The following MRM1 variants were observed in gnomAD, a reference collection of about 807,000 sequenced individuals.
MRM1 encodes mitochondrial rRNA methyltransferase 1.
In MRM1, 24 loss-of-function variants were observed where a neutral mutation model predicts 25.0. The ratio of observed to expected loss-of-function variants is 0.96; its 90% CI spans 0.69 to 1.35. MRM1 has a LOEUF of 1.35. Ranked by LOEUF, MRM1 falls within the 40% of genes most tolerant of loss-of-function variation. The pLI is 0.00. For synonymous variants in MRM1, 188 were observed against 199.2 expected (o/e 0.94, Z 0.47); for missense variants, 431 against 464.1 (o/e 0.93, Z 0.65).
At chr17:36,612,627 T>G (rs916972782), downstream of MRM1, among the ~76,000 whole-genome samples, 2 of 152,140 alleles carry the variant, frequency 1.3e-5, no homozygotes, top group African/African-American at 4.8e-5. Flanking sequence ...CAGTGGTGGT[T>G]AAGAGCAGGA....
In MRM1 at chr17:36,608,540, G is replaced by GA. The variant is rs1451313332; in HGVS notation, c.*125_*126insA. ...GGCCCATGTTTATTGACCACAGTCT[G>GA]GGGGGGGGGGAAGGGGACTGCGGTG... On this transcript the variant is annotated 3_prime_UTR_variant, in exon 5 of 5. Transcript: ENST00000614766. 1,490 of 292,016 alleles carry GA rather than the reference G, an allele frequency of 5.1e-3. 7 individuals are homozygous for GA. The highest frequency in any genetic ancestry group is 0.018 in the South Asian group (185 of 10,366). 18.1% of individuals were successfully genotyped at this position (292,016 alleles called of 1,614,324 possible).
the MRM1 span, among the ~76,000 whole-genome samples, chr17:36,622,197 C>T: frequency 3.3e-5 from 5 of 152,166 alleles, no homozygotes; most frequent in African/African-American, 1.2e-4. Context: ...CTGCTGCCTC[C>T]TGCCCCCTCC....
downstream of MRM1, among the ~76,000 whole-genome samples, chr17:36,610,561 T>C (rs1004468204): frequency 4.6e-5 from 7 of 151,320 alleles, no homozygotes; most frequent in Non-Finnish European, 8.8e-5. Flanking sequence ...AAGTTACTCC[T>C]CTCAAGAAAG....
chr17:36,604,592 G>A (rs541463414), intron 2 of MRM1, among the ~76,000 whole-genome samples: 1 of 151,498 alleles, frequency 6.6e-6, no homozygotes, highest in East Asian at 2.0e-4. Context: ...AGATCATGAG[G>A]TCAGGAGATC....
the MRM1 span, among the ~76,000 whole-genome samples, chr17:36,617,787 C>T: frequency 6.6e-6 from 1 of 152,158 alleles, no homozygotes; most frequent in Non-Finnish European, 1.5e-5. Flanking sequence ...GGCTTCTCCT[C>T]CCCCTTCACC....
At chr17:36,622,230 C>T in the MRM1 span, among the ~76,000 whole-genome samples, 1 of 152,068 alleles carries the variant, frequency 6.6e-6, no homozygotes, top group South Asian at 2.1e-4. Flanking sequence ...AATGGGACAC[C>T]CTGCTGATTT....
the MRM1 span, among the ~76,000 whole-genome samples, chr17:36,616,019 G>A: frequency 4.0e-5 from 6 of 149,964 alleles, no homozygotes; most frequent in East Asian, 1.9e-4. Flanking sequence ...CAACAACAAC[G>A]ACAACAAAAC....
Position 36,602,471 on chromosome 17 carries a change from C to CT in MRM1, c.543-81dup. 6.2e-7 allele frequency: 1 copy of CT among 1,603,286 alleles called. No homozygotes were observed. The highest frequency in any genetic ancestry group is 2.2e-5 in the East Asian group (1 of 44,786). On this transcript the variant is annotated intron_variant, in intron 1 of 4. Coordinates refer to ENST00000614766, the MANE Select transcript of MRM1 (RefSeq NM_024864.5). The surrounding 1 kb of genome is among the most constrained non-coding windows in gnomAD (Gnocchi z 4.1). ...TACCTGTCCCAGAACTCTCATCCCC[C>CT]TAGCCCTTGGGAGCCCTGGGAGGGT...
At chr17:36,613,006 G>T (rs1297361119), downstream of MRM1, among the ~76,000 whole-genome samples, 1 of 152,146 alleles carries the variant, frequency 6.6e-6, no homozygotes, top group Non-Finnish European at 1.5e-5. Context: ...TGAGGGAGGA[G>T]AGGGGTTGGA....
the MRM1 span, among the ~76,000 whole-genome samples, chr17:36,619,950 A>T: frequency 6.6e-6 from 1 of 152,014 alleles, no homozygotes; most frequent in Non-Finnish European, 1.5e-5. Flanking sequence ...GTCATTTGTG[A>T]TGTCGGGCAT....
chr17:36,604,039 G>T (rs999139098), intron 2 of MRM1, among the ~76,000 whole-genome samples: 1 of 152,174 alleles, frequency 6.6e-6, no homozygotes, highest in East Asian at 1.9e-4. Context: ...AGTGTCATCC[G>T]CCTGTTGCTG....
chr17:36,633,172 T>G, the MRM1 span, among the ~76,000 whole-genome samples: 1 of 152,282 alleles, frequency 6.6e-6, no homozygotes, highest in East Asian at 1.9e-4. Context: ...CTGAGGGGAA[T>G]GTCCCCAGAG....
chr17:36,634,280 A>G, the MRM1 span: 1 of 152,226 alleles, frequency 6.6e-6, no homozygotes, highest in South Asian at 2.1e-4. Context: ...TTTTGTTACC[A>G]GGTGTCTGAA....
At chr17:36,613,008 G>A (rs183170367), downstream of MRM1, among the ~76,000 whole-genome samples, 2 of 152,244 alleles carry the variant, frequency 1.3e-5, no homozygotes, top group East Asian at 3.9e-4. Flanking sequence ...AGGGAGGAGA[G>A]GGGTTGGAAT....
Position 36,607,716 on chromosome 17 carries a change from C to G in MRM1, c.683C>G (p.Pro228Arg). The G allele has an allele frequency of 6.2e-7, 1 of 1,614,202 alleles. No homozygotes were observed. Among genetic ancestry groups the G allele is most frequent in the Non-Finnish European group, 8.5e-7 (1 of 1,180,022 alleles). ...GWLVAGTVGC[P>R]STEDPQSSEI... Reference sequence around the variant, plus strand: ...CTCGTGGCCGGCACGGTGGGCTGCCCAAGCACAGAGGATCCCCAGTCCTCC... The same window carrying G: ...CTCGTGGCCGGCACGGTGGGCTGCCGAAGCACAGAGGATCCCCAGTCCTCC... The change falls in exon 3 of 5, where the codon CCA (proline) becomes CGA (arginine). Residue 228 changes from proline (P) to arginine (R), a missense_variant. Physicochemically the swap from Pro to Arg is moderately radical, Grantham distance 103. Transcript: ENST00000614766.
chr17:36,607,945 G>T lies in MRM1; in HGVS notation c.816G>T (p.Gln272His), dbSNP rs1490434655. Residue 272 changes from glutamine (Q) to histidine (H), a missense_variant, in exon 4 of 5, where the codon CAG (glutamine) becomes CAT (histidine). Physicochemically the swap from Gln to His is conservative, Grantham distance 24. Coordinates refer to ENST00000614766, the MANE Select transcript of MRM1 (RefSeq NM_024864.5). ...GLSQEVQASC[Q>H]LLLTILPRRQ... is the part of the protein sequence containing the mutation. ...CCCAGGAGGTGCAGGCCTCCTGCCA[G>T]CTTCTCCTCACCATCCTGCCCCGGC... 6.2e-7 allele frequency: 1 copy of T among 1,614,184 alleles called. No individual in the cohort carries two copies. Among genetic ancestry groups the T allele is most frequent in the Non-Finnish European group, 8.5e-7 (1 of 1,180,044 alleles).
At chr17:36,626,390 G>A in the MRM1 span, among the ~76,000 whole-genome samples, 1 of 152,104 alleles carries the variant, frequency 6.6e-6, no homozygotes, top group Non-Finnish European at 1.5e-5. Flanking sequence ...TTGAGATGGA[G>A]TCTACCTCTG....
the MRM1 span, among the ~76,000 whole-genome samples, chr17:36,615,004 C>T: frequency 6.6e-6 from 1 of 152,162 alleles, no homozygotes; most frequent in East Asian, 1.9e-4. Flanking sequence ...GCTCCTTCCC[C>T]AGATTGGGAA....
intron 4 of MRM1, 61 bp downstream of exon 4, chr17:36,608,079 C>G: frequency 6.4e-7 from 1 of 1,566,672 alleles, no homozygotes; most frequent in Non-Finnish European, 8.7e-7. Context: ...GGATTTGATG[C>G]CCTCTAATCC....
Sources: gnomAD v4.1 joint callset for allele counts (sites outside exome capture counted in the v4.1 genomes callset) on GRCh38, gnomAD v4.1.1 for gene constraint, Gnocchi (gnomAD v3.1) non-coding constraint, MANE v1.5 for transcripts, NCBI Gene and HGNC (gene_info 2026-07-23, HGNC 2026-07-21) for gene names.